CHD1L: variants seen among roughly 807,000 people sequenced by gnomAD.
The protein encoded by CHD1L is ATP-dependent chromatin remodeler CHD1L.
Under a neutral mutation model 115.9 loss-of-function variants are expected in CHD1L, and 118 were observed. That is an observed-to-expected ratio of 1.02 (90% CI 0.88 to 1.19). The LOEUF is 1.19. Ranked by LOEUF, CHD1L falls within the 50% of genes most tolerant of loss-of-function variation. The pLI is 0.00. For synonymous variants in CHD1L, 411 were observed against 387.1 expected (o/e 1.06, Z -0.72); for missense variants, 1,179 against 1,065.3 (o/e 1.11, Z -1.49).
intron 14 of CHD1L, among the ~76,000 whole-genome samples, chr1:147,279,179 A>G (rs1679819640): frequency 6.6e-6 from 1 of 152,190 alleles, no homozygotes; most frequent in Non-Finnish European, 1.5e-5. Context: ...AGAATACCTT[A>G]ACATTTCCAA....
At chr1:147,251,308 C>T (rs1553936246) in intron 1 of CHD1L, among the ~76,000 whole-genome samples, 1 of 152,090 alleles carries the variant, frequency 6.6e-6, no homozygotes, top group African/African-American at 2.4e-5. Flanking sequence ...GCCCAAGGTC[C>T]CTAGCCAGTC....
chr1:147,205,258 C>G, the CHD1L span, among the ~76,000 whole-genome samples: 1 of 152,122 alleles, frequency 6.6e-6, no homozygotes, highest in Admixed American at 6.5e-5. Context: ...AACACAGTTT[C>G]CAAATGTCAC....
the CHD1L span, among the ~76,000 whole-genome samples, chr1:147,206,740 A>T: frequency 6.6e-6 from 1 of 152,114 alleles, no homozygotes; most frequent in Non-Finnish European, 1.5e-5. Flanking sequence ...AGGAAGGGGA[A>T]CATCACACAC....
At chr1:147,177,882 T>C in the CHD1L span, among the ~76,000 whole-genome samples, 1 of 151,802 alleles carries the variant, frequency 6.6e-6, no homozygotes, top group Non-Finnish European at 1.5e-5. Context: ...TGAAACTTCT[T>C]TTTTTTTAAG....
rs782146681 is a variant in CHD1L, at chr1:147,256,531, A to T, written c.463A>T (p.Ile155Phe). The T allele has an allele frequency of 1.9e-5, 30 of 1,613,262 alleles. 1 individual carries two copies. In the Middle Eastern group the frequency reaches 1.6e-3, roughly 88 times the overall value. Residue 155 changes from isoleucine to phenylalanine, a missense_variant and splice_region_variant, in exon 5 of 23, where the codon ATT becomes TTT. Transcript: ENST00000369258. Reference sequence around the variant, plus strand: ...ATAACGTGTCTTCCTAATTTTTCAGATTTGCTTGAAAGATGCATCATTTCT... The same window carrying T: ...ATAACGTGTCTTCCTAATTTTTCAGTTTTGCTTGAAAGATGCATCATTTCT... ...RFHVLLTTYE[I>F]CLKDASFLKS...
chr1:147,277,159 T>A (rs1572012019), intron 14 of CHD1L, among the ~76,000 whole-genome samples: 1 of 151,982 alleles, frequency 6.6e-6, no homozygotes, highest in Non-Finnish European at 1.5e-5. Flanking sequence ...TAAAGAGAAT[T>A]TAGGCTTTAG....
chr1:147,278,921 C>T (rs1360142229), intron 14 of CHD1L, among the ~76,000 whole-genome samples: 3 of 152,120 alleles, frequency 2.0e-5, no homozygotes, highest in Non-Finnish European at 2.9e-5. Context: ...ATGTAATTTT[C>T]TTAATGACTA....
Position 147,287,666 on chromosome 1 carries a change from A to G in CHD1L, c.2253A>G (p.Leu751=). 6.2e-7 allele frequency: 1 copy of G among 1,614,022 alleles called. No individual in the cohort carries two copies. Among genetic ancestry groups the G allele is most frequent in the Non-Finnish European group, 8.5e-7 (1 of 1,179,982 alleles). ...CTGGCCACTGGGGCAGAGGTGGTTT[A>G]TTTACAGCTCTGGAAAAGCGATCCG... ...DDSGHWGRGG[L]FTALEKRSAE... is the part of the protein sequence containing the mutation. The change falls in exon 19 of 23, where the codon TTA becomes TTG. Residue 751 remains leucine, a synonymous_variant. Transcript: ENST00000369258.
chr1:147,283,069 G>T (rs1203803436), intron 15 of CHD1L, among the ~76,000 whole-genome samples: 1 of 152,044 alleles, frequency 6.6e-6, no homozygotes, highest in East Asian at 1.9e-4. Flanking sequence ...TAAAAAACAG[G>T]GTTGCTTTAT....
At chr1:147,265,712 T>C (rs1054989138) in intron 7 of CHD1L, among the ~76,000 whole-genome samples, 3 of 152,188 alleles carry the variant, frequency 2.0e-5, no homozygotes, top group African/African-American at 4.8e-5. Context: ...TAAGAAGTTA[T>C]TTGAGTGTTC....
chr1:147,179,961 A>AAAAAAGAAGAAAAGTGGT, the CHD1L span, among the ~76,000 whole-genome samples: 1 of 151,882 alleles, frequency 6.6e-6, no homozygotes, highest in Non-Finnish European at 1.5e-5. Context: ...TAAAAAAAAA[A>AAAAAAGAAGAAAAGTGGT]AAAATAGGAA....
At chr1:147,247,258 T>C (rs1666915836) in intron 1 of CHD1L, among the ~76,000 whole-genome samples, 1 of 152,184 alleles carries the variant, frequency 6.6e-6, no homozygotes, top group Admixed American at 6.5e-5. Flanking sequence ...GGATTATCTG[T>C]CCCCACCAAA....
chr1:147,280,145 T>A lies in CHD1L; in HGVS notation c.1659T>A (p.Asp553Glu). Residue 553 changes from aspartate to glutamate, a missense_variant, in exon 15 of 23, where the codon GAT becomes GAA. Physicochemically the swap from Asp to Glu is conservative, Grantham distance 45. Transcript: ENST00000369258. ...GETKDGQWVS[D>E]ALPAAEGGSR... ...CAAAAGATGGCCAGTGGGTCTCTGATGCCTTGCCTGCAGCAGAAGGAGGGA... is the reference window on the plus strand; with the variant it reads ...CAAAAGATGGCCAGTGGGTCTCTGAAGCCTTGCCTGCAGCAGAAGGAGGGA... The A allele has an allele frequency of 1.2e-6, 2 of 1,612,680 alleles. No homozygotes were observed. The highest frequency in any genetic ancestry group is 2.2e-5 in the South Asian group (2 of 90,816).
the CHD1L span, among the ~76,000 whole-genome samples, chr1:147,224,602 C>T: frequency 6.6e-6 from 1 of 152,054 alleles, no homozygotes; most frequent in Non-Finnish European, 1.5e-5. Context: ...CTCTGCCTCC[C>T]AAGTTCACCC....
At chr1:147,253,691 T>G (rs1669131804) in intron 2 of CHD1L, among the ~76,000 whole-genome samples, 3 of 152,162 alleles carry the variant, frequency 2.0e-5, no homozygotes, top group Admixed American at 2.0e-4. Context: ...AGAGATGAGG[T>G]CTCACTATGT....
chr1:147,209,747 C>T, the CHD1L span: 1 of 152,238 alleles, frequency 6.6e-6, no homozygotes, highest in African/African-American at 2.4e-5. Flanking sequence ...TGACAATTTT[C>T]TCTCCATCCT....
At chr1:147,252,463 C>T (rs996963837) in intron 1 of CHD1L, among the ~76,000 whole-genome samples, 160 bp from the exon 2 acceptor site, 5 of 152,166 alleles carry the variant, frequency 3.3e-5, no homozygotes, top group Admixed American at 2.0e-4. Context: ...TGGAAGTCAG[C>T]AGATGTTTAG....
At chr1:147,232,642 G>T in the CHD1L span, among the ~76,000 whole-genome samples, 1 of 146,068 alleles carries the variant, frequency 6.8e-6, no homozygotes, top group Non-Finnish European at 1.5e-5. Context: ...GCGATTGCAG[G>T]CACGCGCCGC....
rs1032619007 is a variant in CHD1L at position 147,260,073 on chromosome 1, C to T, written c.576+155C>T. ...CACACATGTACAGCTGTCCCCTGTCCCCACACTTGTACAGCTTCACCCATT... is the reference window on the plus strand; with the variant it reads ...CACACATGTACAGCTGTCCCCTGTCTCCACACTTGTACAGCTTCACCCATT... On this transcript the variant is annotated intron_variant, in intron 6 of 22. Coordinates refer to ENST00000369258, the MANE Select transcript of CHD1L (RefSeq NM_004284.6). The T allele has an allele frequency of 7.2e-6, 4 of 553,214 alleles. No homozygotes were observed. The East Asian group carries it at 1.2e-4, about 17-fold the overall frequency. The allele number at this position is 553,214 out of a possible 1,614,324, so 34.3% of individuals were successfully genotyped here.
Sources: allele counts gnomAD v4.1 joint callset (sites outside exome capture counted in the v4.1 genomes callset), GRCh38; gene constraint gnomAD v4.1.1; transcripts MANE v1.5; gene names NCBI Gene and HGNC (gene_info 2026-07-23, HGNC 2026-07-21).